The following COG7 variants were observed in gnomAD, a reference collection of about 807,000 sequenced individuals.
The protein encoded by COG7 is component of oligomeric golgi complex 7, also known as conserved oligomeric Golgi complex subunit 7.
A neutral mutation model predicts 91.5 loss-of-function variants in COG7; 49 were observed. The ratio of observed to expected loss-of-function variants is 0.54; its 90% CI spans 0.43 to 0.68. COG7 has a LOEUF of 0.68. Among genes scored for constraint, COG7 ranks in the 30% least tolerant of loss-of-function variants. COG7 has a pLI of 0.00. For missense variants in COG7, 895 were observed against 961.3 expected (o/e 0.93, Z 0.91); for synonymous variants, 365 against 388.7 (o/e 0.94, Z 0.72).
chr16:23,427,824 A>C (rs757560564), intron 6 of COG7, among the ~76,000 whole-genome samples: 1 of 152,180 alleles, frequency 6.6e-6, no homozygotes, highest in Non-Finnish European at 1.5e-5. Flanking sequence ...TGTCTCCAGC[A>C]TAGCCTCATC....
intron 1 of COG7, among the ~76,000 whole-genome samples, chr16:23,451,434 C>T (rs1018506702): frequency 1.3e-5 from 2 of 152,108 alleles, no homozygotes; most frequent in African/African-American, 4.8e-5. Flanking sequence ...ATGGTTTAGG[C>T]CAGGCGTGGT....
In COG7 at chr16:23,428,427, G is replaced by T. The variant is rs115977023; in HGVS notation, c.811-3480C>A. Among the ~76,000 whole-genome samples, 750 of 151,656 alleles carry T rather than the reference G, an allele frequency of 4.9e-3. 2 individuals carry two copies. The highest frequency in any genetic ancestry group is 0.017 in the African/African-American group (709 of 41,388). On this transcript the variant is annotated intron_variant, in intron 6 of 16. Coordinates refer to ENST00000307149, the MANE Select transcript of COG7 (RefSeq NM_153603.4). ...GGCAAATAACCTGTTTTTTTTTAATGGACAAAAGACCTGAATAGACATTTC... is the reference window on the plus strand; with the variant it reads ...GGCAAATAACCTGTTTTTTTTTAATTGACAAAAGACCTGAATAGACATTTC...
At chr16:23,448,456 G>A (rs940901425) in intron 1 of COG7, among the ~76,000 whole-genome samples, 57 of 152,132 alleles carry the variant, frequency 3.7e-4, no homozygotes, top group Admixed American at 7.2e-4. Flanking sequence ...GAACCACCAT[G>A]CTGGCTAGTT....
At chr16:23,415,165 G>A (rs142651695) in intron 9 of COG7, 1 of 152,208 alleles carries the variant, frequency 6.6e-6, no homozygotes, top group Admixed American at 6.5e-5. Context: ...CAGCTTTCTA[G>A]GGTTATAAGT....
intron 7 of COG7, among the ~76,000 whole-genome samples, chr16:23,421,489 AATAGGTT>A (rs1428308086): frequency 6.6e-6 from 1 of 151,234 alleles, no homozygotes; most frequent in African/African-American, 2.4e-5. Context: ...ATTAACCAGA[AATAGGTT>A]AAACTCCCAA....
chr16:23,445,205 C>A, intron 2 of COG7, 41 bp from the exon 3 acceptor site: 1 of 1,376,352 alleles, frequency 7.3e-7, no homozygotes. Context: ...GGGGTAGGTC[C>A]TTTTTCTCCA....
intron 5 of COG7, 88 bp from the exon 6 acceptor site, chr16:23,433,755 C>G (rs2142087586): frequency 2.0e-6 from 3 of 1,536,708 alleles, no homozygotes; most frequent in East Asian, 4.6e-5. Flanking sequence ...CCAGCGTAAT[C>G]ACGGATTGCT....
intron 14 of COG7, 187 bp from the exon 15 acceptor site, chr16:23,393,534 C>T (rs1446690164): frequency 1.6e-6 from 1 of 609,196 alleles, no homozygotes; most frequent in Non-Finnish European, 3.0e-6. Flanking sequence ...TCACTGGTAG[C>T]TTGCATATAG....
intron 6 of COG7, among the ~76,000 whole-genome samples, chr16:23,427,028 C>A (rs1453673175): frequency 6.6e-6 from 1 of 151,924 alleles, no homozygotes; most frequent in African/African-American, 2.4e-5. Flanking sequence ...GTGGGAGGAT[C>A]GCTTGAGCCT....
chr16:23,445,659 A>C (rs1964169181), intron 2 of COG7, among the ~76,000 whole-genome samples, 154 bp downstream of exon 2: 2 of 148,904 alleles, frequency 1.3e-5, no homozygotes, highest in South Asian at 4.2e-4. Flanking sequence ...ACTCTGTCTC[A>C]AAAAAAAAAG....
In COG7 at chr16:23,452,899, C is replaced by G; in HGVS notation, c.96G>C (p.Lys32Asn). The G allele has an allele frequency of 6.2e-7, 1 of 1,614,078 alleles. No homozygotes were observed. Among genetic ancestry groups the G allele is most frequent in the South Asian group, 1.1e-5 (1 of 91,086 alleles). ...RAGSKEAASGKADGHAATLVM... is the reference protein window; with the variant it reads ...RAGSKEAASGNADGHAATLVM... ...CCAGGGTGGCTGCGTGGCCATCCGC[C>G]TTCCCGGACGCCGCCTCCTTGGAGC... The change falls in exon 1 of 17, where the codon AAG (lysine) becomes AAC (asparagine). Residue 32 changes from lysine to asparagine, a missense_variant. Physicochemically the swap from Lys to Asn is moderately conservative, Grantham distance 94 (BLOSUM62 0). Transcript: ENST00000307149.
intron 6 of COG7, among the ~76,000 whole-genome samples, chr16:23,428,140 G>A (rs1963878012): frequency 6.6e-6 from 1 of 151,840 alleles, no homozygotes; most frequent in African/African-American, 2.4e-5. Flanking sequence ...TCATGCCATT[G>A]TACTCCAGCC....
intron 12 of COG7, among the ~76,000 whole-genome samples, chr16:23,405,419 G>C (rs1351368937): frequency 6.6e-6 from 1 of 152,118 alleles, no homozygotes; most frequent in Non-Finnish European, 1.5e-5. Flanking sequence ...AGGGCCAGGG[G>C]CTGTCCAGCT....
rs751209887 is a variant in COG7, at chr16:23,402,915, C to T, written c.1803+779G>A. ...GCCTTGCAGGCTTTCTAGAGGGTGG[C>T]AGAAAGGAGAGCACGTTTGATTTTG... On this transcript the variant is annotated intron_variant, in intron 13 of 16. Coordinates refer to ENST00000307149, the MANE Select transcript of COG7 (RefSeq NM_153603.4). 2.1e-4 allele frequency among the ~76,000 whole-genome samples: 32 copies of T among 152,156 alleles called. 1 individual carries two copies. Among genetic ancestry groups the T allele is most frequent in the African/African-American group, 2.2e-4 (9 of 41,426 alleles).
At chr16:23,419,041 C>T (rs1482447354) in intron 7 of COG7, among the ~76,000 whole-genome samples, 5 of 152,142 alleles carry the variant, frequency 3.3e-5, no homozygotes, top group Non-Finnish European at 7.3e-5. Flanking sequence ...ACATTGTTTG[C>T]CTAAAGCACT....
At chr16:23,440,251 G>A (rs1964079776) in intron 4 of COG7, among the ~76,000 whole-genome samples, 1 of 151,958 alleles carries the variant, frequency 6.6e-6, no homozygotes, top group Non-Finnish European at 1.5e-5. Flanking sequence ...TTAGCCAGGT[G>A]TGGTAGCGCA....
chr16:23,447,672 C>A (rs963640100), intron 1 of COG7, among the ~76,000 whole-genome samples: 1 of 151,902 alleles, frequency 6.6e-6, no homozygotes, highest in Admixed American at 6.6e-5. Context: ...GAGGCTGAGG[C>A]AGGCAGATCA....
intron 13 of COG7, among the ~76,000 whole-genome samples, chr16:23,399,105 C>T (rs999502416): frequency 6.6e-6 from 1 of 152,290 alleles, no homozygotes; most frequent in African/African-American, 2.4e-5. Context: ...ATGTTGGATC[C>T]GGTTGCCTGA....
intron 7 of COG7, among the ~76,000 whole-genome samples, chr16:23,419,748 CAAAAAAAAA>C (rs60636268): frequency 5.4e-5 from 3 of 55,252 alleles, no homozygotes; most frequent in African/African-American, 1.3e-4. Flanking sequence ...GACTTCATCT[CAAAAAAAAA>C]AAAAAAAAAA....
Sources: allele counts gnomAD v4.1 joint callset (sites outside exome capture counted in the v4.1 genomes callset), GRCh38; gene constraint gnomAD v4.1.1; transcripts MANE v1.5; gene names NCBI Gene and HGNC (gene_info 2026-07-23, HGNC 2026-07-21).